Variants in CHCHD3 observed in about 807,000 individuals in gnomAD.
CHCHD3 encodes MICOS complex subunit MIC19.
Under a neutral mutation model 38.2 loss-of-function variants are expected in CHCHD3, and 20 were observed. The observed-to-expected ratio is 0.52, with a 90% CI of 0.37 to 0.76. CHCHD3 has a LOEUF of 0.76. Ranked by LOEUF, CHCHD3 falls within the 30% of genes least tolerant of loss-of-function variation. The pLI is 0.00. For synonymous variants in CHCHD3, 82 were observed against 100.0 expected, an observed-to-expected ratio of 0.82 and a Z score of 1.07; for missense variants, 245 against 279.2, an observed-to-expected ratio of 0.88 and a Z score of 0.87.
intron 5 of CHCHD3, among the ~76,000 whole-genome samples, chr7:132,844,674 A>G (rs1012366200): frequency 6.6e-6 from 1 of 152,218 alleles, no homozygotes; most frequent in Admixed American, 6.5e-5. Context: ...GAGAAGGTAG[A>G]TCTCATAAAT....
chr7:132,994,442 T>C (rs890713725), intron 3 of CHCHD3, among the ~76,000 whole-genome samples: 1 of 152,174 alleles, frequency 6.6e-6, no homozygotes, highest in African/African-American at 2.4e-5. Flanking sequence ...TATTCTATGA[T>C]GTTAGAGAAA....
At chr7:133,055,416 G>T (rs1004872384) in intron 2 of CHCHD3, among the ~76,000 whole-genome samples, 1 of 143,118 alleles carries the variant, frequency 7.0e-6, no homozygotes, top group South Asian at 2.2e-4. Context: ...ATGTTATATA[G>T]TAATCATAAT....
At position 132,914,556 on chromosome 7, in the gene CHCHD3, CTAGTT is replaced by C. The variant is rs528676534; in HGVS notation, c.370-28816_370-28812del. 2.0e-5 allele frequency among the ~76,000 whole-genome samples: 3 copies of C among 152,268 alleles called. No homozygotes were observed. In the East Asian group the frequency reaches 5.8e-4, roughly 29 times the overall value. On this transcript the variant is annotated intron_variant, in intron 4 of 7. Transcript: ENST00000262570. ...AAGTATTGAACTTAAAAAGTGTGATCTAGTTTATTTGTTGTGGTAGACAACTCCTA... is the reference window on the plus strand; with the variant it reads ...AAGTATTGAACTTAAAAAGTGTGATCTATTTGTTGTGGTAGACAACTCCTA...
chr7:132,821,555 T>C (rs1807374517), intron 6 of CHCHD3, among the ~76,000 whole-genome samples: 1 of 151,814 alleles, frequency 6.6e-6, no homozygotes, highest in Non-Finnish European at 1.5e-5. Context: ...CGAGAGAAAA[T>C]AAGCATATTT....
At chr7:132,862,915 CT>C (rs1808531079) in intron 5 of CHCHD3, among the ~76,000 whole-genome samples, 1 of 152,220 alleles carries the variant, frequency 6.6e-6, no homozygotes, top group African/African-American at 2.4e-5. Context: ...TCAGTTCCAT[CT>C]TTGGGCTCCA....
intron 1 of CHCHD3, among the ~76,000 whole-genome samples, chr7:133,078,132 A>AC (rs1193174061): frequency 6.6e-6 from 1 of 151,874 alleles, no homozygotes; most frequent in Non-Finnish European, 1.5e-5. Flanking sequence ...ACATGGTGAA[A>AC]CCCCCCTCTA....
At chr7:132,919,479 C>T (rs570879303) in intron 4 of CHCHD3, among the ~76,000 whole-genome samples, 20 of 152,228 alleles carry the variant, frequency 1.3e-4, no homozygotes, top group African/African-American at 4.8e-4. Context: ...TAGTAATCTA[C>T]GACAAGTTGA....
chr7:132,790,971 G>A lies in CHCHD3; in HGVS notation c.661-5311C>T, dbSNP rs568588085. Among the ~76,000 whole-genome samples, 5 of 152,296 alleles carry A rather than the reference G, an allele frequency of 3.3e-5. No individual in the cohort carries two copies. The East Asian group carries it at 7.7e-4, about 24-fold the overall frequency. On this transcript the variant is annotated intron_variant, in intron 7 of 7. Coordinates refer to ENST00000262570, the MANE Select transcript of CHCHD3 (RefSeq NM_017812.4). ...TTAAGGCTAAAGATTCATTCCTAGG[G>A]TTGGTCTGATGAGACCTCTGCCAGG...
At chr7:132,910,737 A>G (rs1809925852) in intron 4 of CHCHD3, among the ~76,000 whole-genome samples, 2 of 152,202 alleles carry the variant, frequency 1.3e-5, no homozygotes, top group South Asian at 2.1e-4. Context: ...CTTCTAAGAC[A>G]TGGAAGACAG....
chr7:132,984,587 T>C (rs376860970), intron 3 of CHCHD3, among the ~76,000 whole-genome samples: 28,209 of 144,354 alleles, frequency 0.2, 2,468 homozygotes, highest in South Asian at 0.25. Context: ...GGAGCGTCTC[T>C]GCCCGGCCGC....
chr7:133,029,358 A>G (rs1813439121), intron 2 of CHCHD3, among the ~76,000 whole-genome samples: 1 of 152,208 alleles, frequency 6.6e-6, no homozygotes, highest in Non-Finnish European at 1.5e-5. Context: ...TCACCATCTT[A>G]TAACTGAAAG....
chr7:132,999,119 AAAAC>A (rs1812498854), intron 3 of CHCHD3, among the ~76,000 whole-genome samples: 1 of 152,204 alleles, frequency 6.6e-6, no homozygotes, highest in African/African-American at 2.4e-5. Flanking sequence ...ACCCTGTCTC[AAAAC>A]AAACAACACT....
chr7:132,859,304 C>G (rs923312711), intron 5 of CHCHD3, among the ~76,000 whole-genome samples: 1 of 152,158 alleles, frequency 6.6e-6, no homozygotes, highest in Non-Finnish European at 1.5e-5. Context: ...TAATTACAAA[C>G]AAAAGCAGAT....
intron 2 of CHCHD3, among the ~76,000 whole-genome samples, chr7:133,043,850 C>T (rs1015645896): frequency 1.3e-5 from 2 of 152,058 alleles, no homozygotes; most frequent in Non-Finnish European, 2.9e-5. Flanking sequence ...GAAGAGCAAC[C>T]TTTCTAAGAT....
chr7:132,982,662 T>A (rs1811948833), intron 3 of CHCHD3, among the ~76,000 whole-genome samples: 1 of 152,360 alleles, frequency 6.6e-6, no homozygotes, highest in East Asian at 1.9e-4. Context: ...CAGGTACAAC[T>A]GTAAGCATTT....
chr7:133,019,980 A>G (rs1813134609), intron 3 of CHCHD3, among the ~76,000 whole-genome samples: 1 of 152,182 alleles, frequency 6.6e-6, no homozygotes. Flanking sequence ...ACCATTGAGT[A>G]TCACAGCAAA....
At chr7:132,909,134 C>A (rs1036863298) in intron 4 of CHCHD3, among the ~76,000 whole-genome samples, 1 of 152,136 alleles carries the variant, frequency 6.6e-6, no homozygotes, top group African/African-American at 2.4e-5. Flanking sequence ...TCCCCTTCCA[C>A]CATGATTTTA....
intron 7 of CHCHD3, among the ~76,000 whole-genome samples, chr7:132,786,511 T>G (rs891102106): frequency 1.3e-5 from 2 of 152,200 alleles, no homozygotes; most frequent in African/African-American, 4.8e-5. Context: ...ATGAGAACTC[T>G]ATAACCAGCT....
intron 1 of CHCHD3, among the ~76,000 whole-genome samples, chr7:133,079,007 A>C (rs1815090595): frequency 6.6e-6 from 1 of 152,214 alleles, no homozygotes; most frequent in Admixed American, 6.5e-5. Flanking sequence ...ATGTCTCAGA[A>C]GGGAACAAAG....
Sources: gnomAD v4.1 joint callset for allele counts (sites outside exome capture counted in the v4.1 genomes callset) on GRCh38, gnomAD v4.1.1 for gene constraint, MANE v1.5 for transcripts, NCBI Gene and HGNC (gene_info 2026-07-23, HGNC 2026-07-21) for gene names.